The following RBBP8NL variants were observed in gnomAD, a reference collection of about 807,000 sequenced individuals.
RBBP8NL encodes RBBP8 N-terminal like, also known as RBBP8 N-terminal-like protein.
In RBBP8NL, 59 loss-of-function variants were observed where a neutral mutation model predicts 62.2. That is an observed-to-expected ratio of 0.95 (90% confidence interval 0.77 to 1.18). RBBP8NL has a LOEUF of 1.18. Among genes scored for constraint, RBBP8NL ranks in the 50% most tolerant of loss-of-function variants. The probability of loss-of-function intolerance (pLI) is 0.00; values close to 1 mark genes in which losing one functional copy is unlikely to be tolerated. For missense variants in RBBP8NL, 896 were observed against 899.5 expected (o/e 1.00, Z 0.05); for synonymous variants, 412 against 394.1 (o/e 1.05, Z -0.54).
intron 1 of RBBP8NL, among the ~76,000 whole-genome samples, chr20:62,420,609 C>T (rs185624829): frequency 2.8e-4 from 42 of 152,292 alleles, no homozygotes; most frequent in Non-Finnish European, 5.6e-4. Flanking sequence ...CATGGGTATA[C>T]GCAGACACAT....
chr20:62,422,620 C>CGGGGTGG (rs1569027825), intron 1 of RBBP8NL, among the ~76,000 whole-genome samples: 13 of 37,464 alleles, frequency 3.5e-4, no homozygotes, highest in East Asian at 2.3e-3. Context: ...GGATGGGGCC[C>CGGGGTGG]GGAGTGGGGA....
chr20:62,410,837 AGG>A lies in RBBP8NL; in HGVS notation c.*39_*40del, dbSNP rs756742799. ...TCTCCAGGCCCTGGTGGGCAGGTGGAGGGCTGCCCCGGGCTCGCTGTGGACCC... is the reference window on the plus strand; with the variant it reads ...TCTCCAGGCCCTGGTGGGCAGGTGGAGCTGCCCCGGGCTCGCTGTGGACCC... On this transcript the variant is annotated 3_prime_UTR_variant, in exon 14 of 14. Transcript: ENST00000252998. The A allele has an allele frequency of 5.0e-6, 7 of 1,395,432 alleles. No individual in the cohort carries two copies. The highest frequency in any genetic ancestry group is 7.1e-6 in the Non-Finnish European group (7 of 989,584). The allele number at this position is 1,395,432 out of a possible 1,614,324, so 86.4% of individuals were successfully genotyped here.
chr20:62,421,222 CGTGT>C (rs533903454), intron 1 of RBBP8NL, among the ~76,000 whole-genome samples: 133 of 152,094 alleles, frequency 8.7e-4, no homozygotes, highest in African/African-American at 3.0e-3. Flanking sequence ...GTGTGTTTGC[CGTGT>C]GTGTGCACGC....
chr20:62,424,786 C>G (rs1988773004), intron 1 of RBBP8NL, among the ~76,000 whole-genome samples: 1 of 151,568 alleles, frequency 6.6e-6, no homozygotes, highest in African/African-American at 2.4e-5. Flanking sequence ...TCCACCCACT[C>G]TCCCAGGGCA....
At position 62,412,648 on chromosome 20, in the gene RBBP8NL, G is replaced by A. The variant is rs772695460; in HGVS notation, c.1852C>T (p.Arg618Trp). Residue 618 changes from arginine (R) to tryptophan (W), a missense_variant, in exon 13 of 14, where the codon CGG (arginine) becomes TGG (tryptophan). Transcript: ENST00000252998. ...HGQGPPRKRKRASEPGDKASK... is the reference protein window; with the variant it reads ...HGQGPPRKRKWASEPGDKASK... ...CCTTTGTCCCCAGGCTCCGAGGCCC[G>A]CTTCCTCTTCCGTGGTGGACCCTGC... 141 of 1,606,168 alleles carry A rather than the reference G, an allele frequency of 8.8e-5. No individual in the cohort carries two copies. In the East Asian group the frequency reaches 1.2e-3, roughly 13 times the overall value.
chr20:62,426,628 G>C (rs1988814410), intron 1 of RBBP8NL, among the ~76,000 whole-genome samples: 2 of 152,226 alleles, frequency 1.3e-5, no homozygotes, highest in African/African-American at 4.8e-5. Context: ...TGGAGACTTC[G>C]GCCAGGTCGC....
chr20:62,414,469 G>A lies in RBBP8NL; in HGVS notation c.882C>T (p.Arg294=). The A allele has an allele frequency of 2.0e-6, 3 of 1,483,806 alleles. No individual in the cohort carries two copies. The highest frequency in any genetic ancestry group is 2.7e-6 in the Non-Finnish European group (3 of 1,113,772). 91.9% of individuals were successfully genotyped at this position (1,483,806 alleles called of 1,614,324 possible). A position where few individuals can be genotyped will look rare whatever the true frequency, so the allele number is the denominator to read the frequency against. Residue 294 remains arginine (R), a synonymous_variant, in exon 10 of 14, where the codon CGC becomes CGT. Transcript: ENST00000252998. ...GGCTCTGAAGGTGCAGGGACAGGGG[G>A]CGGTTTAGGAGGCAGAGCCGGTCCA... ...PKVDRLCLLN[R]PLSLHLQSPH...
At position 62,419,652 on chromosome 20, in the gene RBBP8NL, C is replaced by G. The variant is rs561091598; in HGVS notation, c.-5G>C. The G allele has an allele frequency of 5.6e-6, 9 of 1,612,878 alleles. No individual in the cohort carries two copies. The South Asian group carries it at 7.7e-5, about 14-fold the overall frequency. The stretch of plus-strand genomic sequence containing the variant: ...CGACTCCATGAAGCTCTCCATGGCT[C>G]CCTGTGGCCCTGGCCCGGGCCCCTC... On this transcript the variant is annotated 5_prime_UTR_variant, in exon 2 of 14. Transcript: ENST00000252998.
intron 5 of RBBP8NL, 52 bp from the exon 6 acceptor site, chr20:62,416,288 C>CCGGGGGG: frequency 9.7e-6 from 2 of 206,536 alleles, no homozygotes; most frequent in Non-Finnish European, 1.9e-5. Context: ...GGGACAGGGG[C>CCGGGGGG]AGGGGTGGGG....
In RBBP8NL at chr20:62,417,203, GAGGTGTCCTCCC is replaced by G; in HGVS notation, c.200+9_200+20del. On this transcript the variant is annotated intron_variant, in intron 4 of 13. Transcript: ENST00000252998. ...AGCCCACCGGTCCTGGCCATGCTGC[GAGGTGTCCTCCC>G]AGGCCCACCTGTTCTCCAGCACCCG... The G allele has an allele frequency of 6.4e-7, 1 of 1,562,664 alleles. No homozygotes were observed.
intron 1 of RBBP8NL, among the ~76,000 whole-genome samples, chr20:62,421,866 G>A (rs1485133191): frequency 4.6e-5 from 7 of 151,816 alleles, no homozygotes. Context: ...TGCCATGTGT[G>A]TGCATCTGTT....
chr20:62,413,976 C>T lies in RBBP8NL; in HGVS notation c.1375G>A (p.Ala459Thr), dbSNP rs774288427. 19 of 1,570,966 alleles carry T rather than the reference C, an allele frequency of 1.2e-5. No individual in the cohort carries two copies. Among genetic ancestry groups the T allele is most frequent in the African/African-American group, 5.4e-5 (4 of 73,938 alleles). ...RARGQDTPKP[A>T]GQHGSLSPAA... The stretch of plus-strand genomic sequence containing the variant: ...GGGCTGAGTGACCCATGCTGGCCGG[C>T]CGGCTTGGGAGTGTCCTGGCCCCGG... Residue 459 changes from alanine to threonine, a missense_variant, in exon 10 of 14, where the codon GCC becomes ACC. Transcript: ENST00000252998.
In RBBP8NL at chr20:62,418,447, A is replaced by C. The variant is rs199813446; in HGVS notation, c.80T>G (p.Leu27Arg). ...KEVLGLQNKL[L>R]ELNSERCRDA... ...CCGGCACCTCTCTGAGTTCAGTTCC[A>C]GAAGCTTGTTCTGCAGGCCTGGGGG... Residue 27 changes from leucine (L) to arginine (R), a missense_variant, in exon 3 of 14, where the codon CTG becomes CGG. Leu to Arg is a moderately radical substitution (Grantham distance 102). Transcript: ENST00000252998. 1 of 1,550,354 alleles carries C rather than the reference A, an allele frequency of 6.5e-7. No homozygotes were observed. The highest frequency in any genetic ancestry group is 2.4e-5 in the East Asian group (1 of 40,922).
chr20:62,410,966 T>C lies in RBBP8NL; in HGVS notation c.1907A>G (p.Lys636Arg), dbSNP rs775058935. 1 of 1,613,538 alleles carries C rather than the reference T, an allele frequency of 6.2e-7. No homozygotes were observed. Among genetic ancestry groups the C allele is most frequent in the South Asian group, 1.1e-5 (1 of 91,080 alleles). The change falls in exon 14 of 14, where the codon AAA becomes AGA. Residue 636 changes from lysine to arginine, a missense_variant. Lys to Arg is a conservative substitution (Grantham distance 26, BLOSUM62 2). Transcript: ENST00000252998. The stretch of plus-strand genomic sequence containing the variant: ...CCCGGGCCCCTCAGTGGCTGTCAGT[T>C]TCCTTCTCCCTCTGGATGGCTTTTT... ...ASKKPSRGRR[K>R]LTATEGPGSP...
chr20:62,412,648 G>T lies in RBBP8NL; in HGVS notation c.1852C>A (p.Arg618=). The T allele has an allele frequency of 6.2e-7, 1 of 1,606,290 alleles. No individual in the cohort carries two copies. ...CCTTTGTCCCCAGGCTCCGAGGCCC[G>T]CTTCCTCTTCCGTGGTGGACCCTGC... ...HGQGPPRKRK[R]ASEPGDKASK... Residue 618 remains arginine (R), a synonymous_variant, in exon 13 of 14, where the codon CGG becomes AGG. Coordinates refer to ENST00000252998, the MANE Select transcript of RBBP8NL (RefSeq NM_080833.3).
chr20:62,417,485 G>GGGGGCAAC (rs1569025625), intron 3 of RBBP8NL, among the ~76,000 whole-genome samples, 166 bp from the exon 4 acceptor site: 3 of 134,848 alleles, frequency 2.2e-5, no homozygotes, highest in African/African-American at 1.1e-4. Flanking sequence ...GCTCCTCTGT[G>GGGGGCAAC]ACGTCTGTCC....
chr20:62,420,849 G>A lies in RBBP8NL; in HGVS notation c.-83-1119C>T, dbSNP rs568149939. Among the ~76,000 whole-genome samples, 101 of 152,376 alleles carry A rather than the reference G, an allele frequency of 6.6e-4. 1 individual carries two copies. The highest frequency in any genetic ancestry group is 2.4e-3 in the African/African-American group (101 of 41,588). On this transcript the variant is annotated intron_variant, in intron 1 of 13. Coordinates refer to ENST00000252998, the MANE Select transcript of RBBP8NL (RefSeq NM_080833.3). ...TCAGGAGGTCCTTGGTAGGCAGTGGGTATCTTGTGGTCTCACGGACTAAGG... is the reference window on the plus strand; with the variant it reads ...TCAGGAGGTCCTTGGTAGGCAGTGGATATCTTGTGGTCTCACGGACTAAGG...
chr20:62,424,858 C>G (rs555850635), intron 1 of RBBP8NL, among the ~76,000 whole-genome samples: 31 of 152,156 alleles, frequency 2.0e-4, no homozygotes, highest in Admixed American at 3.3e-4. Context: ...CTCACGCATT[C>G]TCAGAGCCCC....
intron 9 of RBBP8NL, 21 bp downstream of exon 9, chr20:62,415,100 G>T: frequency 6.9e-7 from 1 of 1,450,592 alleles, no homozygotes; most frequent in Non-Finnish European, 9.1e-7. Flanking sequence ...TACTCTGGGT[G>T]AGGGTGGGGC....
Sources: allele counts gnomAD v4.1 joint callset (sites outside exome capture counted in the v4.1 genomes callset), GRCh38; gene constraint gnomAD v4.1.1; transcripts MANE v1.5; gene names NCBI Gene and HGNC (gene_info 2026-07-23, HGNC 2026-07-21).